The following RAB11FIP4 variants were observed in gnomAD, a reference collection of about 807,000 sequenced individuals.
RAB11FIP4 encodes the protein rab11 family-interacting protein 4.
In RAB11FIP4, 23 loss-of-function variants were observed where a neutral mutation model predicts 74.3. The ratio of observed to expected loss-of-function variants is 0.31; its 90% confidence interval spans 0.22 to 0.44. The LOEUF (loss-of-function observed/expected upper bound fraction) is 0.44, where lower values mean the gene tolerates loss of function less well. Ranked by LOEUF, RAB11FIP4 falls within the 20% of genes least tolerant of loss-of-function variation. The pLI is 1.00. For missense variants in RAB11FIP4, 630 were observed against 863.9 expected, an observed-to-expected ratio of 0.73 and a Z score of 3.39; for synonymous variants, 360 against 359.9, an observed-to-expected ratio of 1.00 and a Z score of 0.00.
intron 5 of RAB11FIP4, 74 bp downstream of exon 5, chr17:31,521,434 G>T: frequency 3.0e-6 from 4 of 1,334,156 alleles, no homozygotes; most frequent in East Asian, 2.5e-5. Flanking sequence ...TAGGGGGTGG[G>T]GGGGTGCGAG....
chr17:31,481,978 C>A (rs1013597519), intron 3 of RAB11FIP4, among the ~76,000 whole-genome samples: 2 of 152,254 alleles, frequency 1.3e-5, no homozygotes, highest in East Asian at 1.9e-4. Context: ...GGACAGTCAC[C>A]AACACCGGAG....
At chr17:31,452,528 GCGT>G (rs1484471249) in intron 3 of RAB11FIP4, among the ~76,000 whole-genome samples, 1 of 152,182 alleles carries the variant, frequency 6.6e-6, no homozygotes, top group African/African-American at 2.4e-5. Flanking sequence ...GCCTGGGTCT[GCGT>G]TCCTAGCCTG....
Position 31,402,707 on chromosome 17 carries a change from T to C in RAB11FIP4, c.159+10696T>C, listed in dbSNP as rs553598453. Reference sequence around the variant, plus strand: ...CGCAATCTTGACTCACTGCAAGCTCTGCCTCCCAGGTTCACGCCATTCTCC... The same window carrying C: ...CGCAATCTTGACTCACTGCAAGCTCCGCCTCCCAGGTTCACGCCATTCTCC... On this transcript the variant is annotated intron_variant, in intron 1 of 14. Coordinates refer to ENST00000621161, the MANE Select transcript of RAB11FIP4 (RefSeq NM_032932.6). Among the ~76,000 whole-genome samples, 719 of 151,928 alleles carry C rather than the reference T, an allele frequency of 4.7e-3. 6 individuals carry two copies. Among genetic ancestry groups the C allele is most frequent in the African/African-American group, 0.015 (608 of 41,378 alleles).
chr17:31,414,882 C>T (rs757902396), intron 1 of RAB11FIP4, among the ~76,000 whole-genome samples: 1 of 152,352 alleles, frequency 6.6e-6, no homozygotes, highest in African/African-American at 2.4e-5. Flanking sequence ...CAAGTGTATT[C>T]TTCCTTATAA....
chr17:31,411,339 G>A (rs1054975159), intron 1 of RAB11FIP4, among the ~76,000 whole-genome samples: 2 of 152,198 alleles, frequency 1.3e-5, no homozygotes. Flanking sequence ...ACTCCAGCCT[G>A]GGCGACAGAG....
At chr17:31,499,604 C>T (rs1289399999) in intron 3 of RAB11FIP4, among the ~76,000 whole-genome samples, 3 of 152,192 alleles carry the variant, frequency 2.0e-5, no homozygotes. Context: ...ATCCGCCCGT[C>T]TCGGCCTCCC....
chr17:31,467,902 T>C (rs1192442569), intron 3 of RAB11FIP4, among the ~76,000 whole-genome samples: 1 of 152,162 alleles, frequency 6.6e-6, no homozygotes, highest in Admixed American at 6.5e-5. Flanking sequence ...AAATAGCAAG[T>C]GGAAGGCCTG....
chr17:31,490,848 C>T (rs1333083880), intron 3 of RAB11FIP4, among the ~76,000 whole-genome samples: 1 of 152,214 alleles, frequency 6.6e-6, no homozygotes, highest in East Asian at 1.9e-4. Flanking sequence ...TGAGCCACCA[C>T]ACCCAGCTGA....
At chr17:31,428,550 C>G (rs2071275955) in intron 1 of RAB11FIP4, among the ~76,000 whole-genome samples, 1 of 151,978 alleles carries the variant, frequency 6.6e-6, no homozygotes, top group African/African-American at 2.4e-5. Flanking sequence ...TTAGGGGGAG[C>G]GGCAAGATGC....
At chr17:31,522,519 C>T (rs1025538329) in intron 7 of RAB11FIP4, 124 bp downstream of exon 7, 15 of 929,508 alleles carry the variant, frequency 1.6e-5, no homozygotes, top group African/African-American at 6.6e-5. Flanking sequence ...CAGAGGGGAA[C>T]GAGGCCATCC....
intron 3 of RAB11FIP4, among the ~76,000 whole-genome samples, chr17:31,463,687 T>C (rs1244148457): frequency 6.6e-6 from 1 of 151,772 alleles, no homozygotes; most frequent in African/African-American, 2.4e-5. Context: ...GTATTTTTAG[T>C]AGAGACGGGG....
chr17:31,436,936 C>T (rs917738145), intron 3 of RAB11FIP4, among the ~76,000 whole-genome samples: 57 of 151,890 alleles, frequency 3.8e-4, no homozygotes, highest in Middle Eastern at 3.4e-3. Context: ...TACAGGTGCC[C>T]GCCACCATGC....
chr17:31,489,021 C>T (rs902291920), intron 3 of RAB11FIP4, among the ~76,000 whole-genome samples: 4 of 152,234 alleles, frequency 2.6e-5, no homozygotes, highest in African/African-American at 9.6e-5. Context: ...TTTCCCTCAC[C>T]CTGCTCTCCC....
At chr17:31,487,912 T>C in intron 3 of RAB11FIP4, 1 of 424,568 alleles carries the variant, frequency 2.4e-6, no homozygotes, top group Non-Finnish European at 3.1e-6. Flanking sequence ...CGGGGTTACC[T>C]GGGCCCCGCC....
chr17:31,426,936 G>A (rs553983952), intron 1 of RAB11FIP4, among the ~76,000 whole-genome samples: 26 of 151,910 alleles, frequency 1.7e-4, no homozygotes, highest in Admixed American at 1.4e-3. Context: ...CAGGACATCA[G>A]TGTGCCTGGC....
intron 3 of RAB11FIP4, among the ~76,000 whole-genome samples, chr17:31,474,947 G>A (rs1363757375): frequency 1.3e-5 from 2 of 152,036 alleles, no homozygotes; most frequent in South Asian, 2.1e-4. Flanking sequence ...ATGAGGACCC[G>A]TGACACTCTA....
intron 13 of RAB11FIP4, 80 bp from the exon 14 acceptor site, chr17:31,530,246 C>T (rs2074152): frequency 0.25 from 382,359 of 1,552,446 alleles, 48,605 homozygotes; most frequent in East Asian, 0.41. Context: ...AGGTCGGGGA[C>T]GGTGGATGTG....
intron 3 of RAB11FIP4, chr17:31,448,392 ATTT>A (rs1213382436): frequency 2.5e-5 from 2 of 79,832 alleles, no homozygotes; most frequent in Non-Finnish European, 4.4e-5. Flanking sequence ...CATCCAGCTA[ATTT>A]TTTTTTTTTT....
At chr17:31,404,745 T>A (rs1023131914) in intron 1 of RAB11FIP4, among the ~76,000 whole-genome samples, 1 of 151,902 alleles carries the variant, frequency 6.6e-6, no homozygotes, top group African/African-American at 2.4e-5. Flanking sequence ...GGGACTGACA[T>A]GGAAACCAGA....
Sources: gnomAD v4.1 joint callset for allele counts (sites outside exome capture counted in the v4.1 genomes callset) on GRCh38, gnomAD v4.1.1 for gene constraint, MANE v1.5 for transcripts, NCBI Gene and HGNC (gene_info 2026-07-23, HGNC 2026-07-21) for gene names.